Variants in ARMH4 observed in about 807,000 individuals in gnomAD.
The protein encoded by ARMH4 is armadillo like helical domain containing 4.
In ARMH4, 49 loss-of-function variants were observed where a neutral mutation model predicts 61.9. The ratio of observed to expected loss-of-function variants is 0.79; its 90% CI spans 0.63 to 1.00. The LOEUF (loss-of-function observed/expected upper bound fraction) is 1.00. Ranked by LOEUF, ARMH4 falls within the 50% of genes least tolerant of loss-of-function variation. The pLI, the probability that ARMH4 is intolerant of heterozygous loss-of-function variation, is 0.00. For missense variants in ARMH4, 934 were observed against 930.0 expected, an observed-to-expected ratio of 1.00 and a Z score of -0.06; for synonymous variants, 368 against 341.5, an observed-to-expected ratio of 1.08 and a Z score of -0.85.
intron 4 of ARMH4, among the ~76,000 whole-genome samples, chr14:58,113,135 T>C (rs1385434494): frequency 2.0e-5 from 3 of 152,162 alleles, no homozygotes; most frequent in Non-Finnish European, 4.4e-5. Context: ...CATACCACCA[T>C]CATTACCCCA....
intron 5 of ARMH4, among the ~76,000 whole-genome samples, chr14:58,090,563 A>G (rs1885521792): frequency 6.6e-6 from 1 of 152,070 alleles, no homozygotes; most frequent in Non-Finnish European, 1.5e-5. Context: ...GGGATTCTCG[A>G]AAGGCTGCCT....
chr14:58,009,807 CAAAAA>C (rs1180997628), intron 6 of ARMH4, among the ~76,000 whole-genome samples: 1 of 46,820 alleles, frequency 2.1e-5, no homozygotes, highest in African/African-American at 7.3e-5. Context: ...CAAGACTCTG[CAAAAA>C]AAAAAAAAAA....
At chr14:58,064,861 C>A (rs1884651960) in intron 5 of ARMH4, among the ~76,000 whole-genome samples, 1 of 152,096 alleles carries the variant, frequency 6.6e-6, no homozygotes, top group South Asian at 2.1e-4. Flanking sequence ...AAATAGAGCC[C>A]CCTGATGGTT....
intron 5 of ARMH4, among the ~76,000 whole-genome samples, chr14:58,081,751 C>A (rs981371769): frequency 1.3e-5 from 2 of 152,054 alleles, no homozygotes; most frequent in Non-Finnish European, 2.9e-5. Context: ...CATGATCCGC[C>A]CGCCTCGGTC....
chr14:58,043,600 G>T (rs1327935938), intron 5 of ARMH4, among the ~76,000 whole-genome samples: 2 of 152,124 alleles, frequency 1.3e-5, no homozygotes, highest in Non-Finnish European at 2.9e-5. Flanking sequence ...GGAAGTTCTG[G>T]CCAGGGCAAT....
chr14:58,069,946 A>G (rs1884829590), intron 5 of ARMH4, among the ~76,000 whole-genome samples: 1 of 152,214 alleles, frequency 6.6e-6, no homozygotes, highest in Non-Finnish European at 1.5e-5. Context: ...AGGGACTGGA[A>G]ATAGAGGAAC....
At chr14:58,009,436 G>C (rs1882303166) in intron 6 of ARMH4, among the ~76,000 whole-genome samples, 1 of 152,016 alleles carries the variant, frequency 6.6e-6, no homozygotes, top group African/African-American at 2.4e-5. Context: ...ACAAATGGTG[G>C]AGCATCACAT....
chr14:58,118,947 C>G (rs1886627002), intron 4 of ARMH4, among the ~76,000 whole-genome samples: 1 of 152,182 alleles, frequency 6.6e-6, no homozygotes, highest in African/African-American at 2.4e-5. Flanking sequence ...CACCAGGCTC[C>G]TGCCCACCTG....
intron 4 of ARMH4, among the ~76,000 whole-genome samples, chr14:58,120,658 T>A (rs1886694950): frequency 6.6e-6 from 1 of 152,040 alleles, no homozygotes; most frequent in South Asian, 2.1e-4. Flanking sequence ...AAAGGGAATG[T>A]TCAGGTTAAG....
At chr14:58,064,140 T>C (rs917859362) in intron 5 of ARMH4, among the ~76,000 whole-genome samples, 26 of 151,508 alleles carry the variant, frequency 1.7e-4, no homozygotes, top group Middle Eastern at 3.4e-3. Flanking sequence ...ACGATTATCA[T>C]ATCAAGAAAC....
chr14:58,089,899 C>T (rs1203512367), intron 5 of ARMH4, among the ~76,000 whole-genome samples: 1 of 152,238 alleles, frequency 6.6e-6, no homozygotes, highest in Non-Finnish European at 1.5e-5. Flanking sequence ...AGACCACACT[C>T]TGCCCCATGA....
chr14:58,010,245 T>C (rs1882353901), intron 6 of ARMH4, among the ~76,000 whole-genome samples: 1 of 104,270 alleles, frequency 9.6e-6, no homozygotes, highest in Non-Finnish European at 2.2e-5. Flanking sequence ...GGAAGATATA[T>C]GTATATATAT....
At chr14:58,134,546 C>G (rs577267301) in intron 2 of ARMH4, among the ~76,000 whole-genome samples, 2 of 144,596 alleles carry the variant, frequency 1.4e-5, no homozygotes, top group African/African-American at 5.7e-5. Flanking sequence ...TTCTTGAAAA[C>G]CTTATTGTCT....
chr14:58,040,695 G>A (rs373198193), intron 5 of ARMH4, among the ~76,000 whole-genome samples: 1 of 152,028 alleles, frequency 6.6e-6, no homozygotes, highest in East Asian at 1.9e-4. Flanking sequence ...TGGAATTGCT[G>A]GGTCAGATAA....
intron 5 of ARMH4, among the ~76,000 whole-genome samples, chr14:58,017,359 C>G (rs1003668137): frequency 2.6e-5 from 4 of 152,100 alleles, no homozygotes; most frequent in Non-Finnish European, 4.4e-5. Flanking sequence ...TTGCAGATGA[C>G]ATAATCTTAT....
rs912006585 is a variant in ARMH4, at chr14:58,098,743, G to A, written c.1832-1762C>T. ...GGCACAGGGCAAATACAGGAAATGA[G>A]GTAGGAAGAAGTAGGCAGGGGCCAG... On this transcript the variant is annotated intron_variant, in intron 4 of 7. Transcript: ENST00000267485. 5.3e-5 allele frequency among the ~76,000 whole-genome samples: 8 copies of A among 151,928 alleles called. No homozygotes were observed. In the South Asian group the frequency reaches 6.3e-4, roughly 12 times the overall value.
intron 5 of ARMH4, among the ~76,000 whole-genome samples, chr14:58,044,017 A>T (rs1404603978): frequency 1.3e-5 from 2 of 152,232 alleles, no homozygotes; most frequent in African/African-American, 4.8e-5. Flanking sequence ...AAGAATCAAT[A>T]TAGTGAAAAT....
At chr14:58,096,563 G>A (rs1410263139) in intron 5 of ARMH4, among the ~76,000 whole-genome samples, 161 bp downstream of exon 5, 2 of 152,078 alleles carry the variant, frequency 1.3e-5, no homozygotes, top group Non-Finnish European at 2.9e-5. Context: ...TCTTCGGTGA[G>A]TTTATACTTA....
chr14:58,014,865 T>C (rs1056149853), intron 5 of ARMH4, among the ~76,000 whole-genome samples: 1 of 152,106 alleles, frequency 6.6e-6, no homozygotes, highest in Non-Finnish European at 1.5e-5. Flanking sequence ...CCACCAACCT[T>C]TGAAGCAAGA....
Sources: gnomAD v4.1 joint callset for allele counts (sites outside exome capture counted in the v4.1 genomes callset) on GRCh38, gnomAD v4.1.1 for gene constraint, MANE v1.5 for transcripts, NCBI Gene and HGNC (gene_info 2026-07-23, HGNC 2026-07-21) for gene names.